The following KRT4 variants were observed in gnomAD, a reference collection of about 807,000 sequenced individuals.
KRT4 encodes the protein keratin, type II cytoskeletal 4.
KRT4 carries 47 observed loss-of-function variants against 50.6 expected under a neutral mutation model. The observed-to-expected ratio is 0.93, with a 90% CI of 0.73 to 1.18. The LOEUF (loss-of-function observed/expected upper bound fraction) is 1.18. Ranked by LOEUF, KRT4 falls within the 50% of genes most tolerant of loss-of-function variation. The pLI is 0.00. For synonymous variants in KRT4, 254 were observed against 251.2 expected (o/e 1.01, Z -0.10); for missense variants, 651 against 645.7 (o/e 1.01, Z -0.09).
At position 52,808,739 on chromosome 12, in the gene KRT4, C is replaced by T. The variant is rs1447053471; in HGVS notation, c.946G>A (p.Glu316Lys). ...GCCTTGCTCCTCTGGGCAATCTCCT[C>T]GTACTGGGCACGGACCTCGGCAATA... is the stretch of plus-strand genomic sequence containing the variant. Reference protein sequence around the residue: ...SIIAEVRAQYEEIAQRSKAEA... With the variant: ...SIIAEVRAQYKEIAQRSKAEA... Residue 316 changes from glutamate to lysine, a missense_variant, in exon 5 of 9, where the codon GAG (glutamate) becomes AAG (lysine). Coordinates refer to ENST00000551956, the MANE Select transcript of KRT4 (RefSeq NM_002272.4). The T allele has an allele frequency of 3.1e-6, 5 of 1,614,076 alleles. No homozygotes were observed. The highest frequency in any genetic ancestry group is 2.2e-5 in the South Asian group (2 of 91,086).
At position 52,808,487 on chromosome 12, in the gene KRT4, A is replaced by T. The variant is rs562729010; in HGVS notation, c.1000-68T>A. The T allele has an allele frequency of 1.6e-5, 25 of 1,602,988 alleles. No homozygotes were observed. In the East Asian group the frequency reaches 3.8e-4, roughly 24 times the overall value. On this transcript the variant is annotated intron_variant, in intron 5 of 8. Coordinates refer to ENST00000551956, the MANE Select transcript of KRT4 (RefSeq NM_002272.4). ...TTGGGTAGGGTCCATTCTCAAGTGA[A>T]CTCAGTGAGAATTGCCACAGGTGGC...
intron 6 of KRT4, among the ~76,000 whole-genome samples, 157 bp from the exon 7 acceptor site, chr12:52,808,021 A>G (rs1157661445): frequency 6.6e-6 from 1 of 152,194 alleles, no homozygotes; most frequent in Admixed American, 6.5e-5. Context: ...CATTCACTCC[A>G]GCCATAGCCC....
chr12:52,813,184 G>T (rs932159920), intron 1 of KRT4, among the ~76,000 whole-genome samples: 6 of 152,146 alleles, frequency 3.9e-5, no homozygotes, highest in African/African-American at 1.4e-4. Context: ...TTTTTCATTT[G>T]CAAAATCAGC....
chr12:52,814,025 G>T lies in KRT4; in HGVS notation c.34C>A (p.Pro12Thr). 1 of 1,613,996 alleles carries T rather than the reference G, an allele frequency of 6.2e-7. No homozygotes were observed. The highest frequency in any genetic ancestry group is 8.5e-7 in the Non-Finnish European group (1 of 1,179,942). ...IARQQCVRGG[P>T]RGFSCGSAIV... ...GCCGAGCCACAGCTGAAGCCCCGGGGCCCGCCTCGGACACACTGCTGTCTG... is the reference window on the plus strand; with the variant it reads ...GCCGAGCCACAGCTGAAGCCCCGGGTCCCGCCTCGGACACACTGCTGTCTG... The change falls in exon 1 of 9, where the codon CCC becomes ACC. Residue 12 changes from proline to threonine, a missense_variant. By Grantham distance (38) the Pro-to-Thr change is conservative (BLOSUM62 -1). Coordinates refer to ENST00000551956, the MANE Select transcript of KRT4 (RefSeq NM_002272.4).
rs534019513 is a variant in KRT4, at chr12:52,807,213, G to A, written c.1419C>T (p.Ser473=). The stretch of plus-strand genomic sequence containing the variant: ...ACCCGGAGCCACTTCCTAATCCTCC[G>A]CTGATGCCTCCAGTGCTGGTGCTAC... ...VSGSTSTGGI[S]GGLGSGSGFG... is the part of the protein sequence containing the mutation. Residue 473 remains serine, a synonymous_variant, in exon 9 of 9, where the codon AGC becomes AGT. Coordinates refer to ENST00000551956, the MANE Select transcript of KRT4 (RefSeq NM_002272.4). 1,329 of 1,614,176 alleles carry A rather than the reference G, an allele frequency of 8.2e-4. 20 individuals carry two copies. The South Asian group carries it at 0.013, about 16-fold the overall frequency.
Position 52,808,383 on chromosome 12 carries a change from C to T in KRT4, c.1036G>A (p.Asp346Asn), listed in dbSNP as rs1028353836. 1 of 1,613,980 alleles carries T rather than the reference C, an allele frequency of 6.2e-7. No homozygotes were observed. Among genetic ancestry groups the T allele is most frequent in the African/African-American group, 1.3e-5 (1 of 74,896 alleles). Residue 346 changes from aspartate to asparagine, a missense_variant, in exon 6 of 9, where the codon GAC becomes AAC. Transcript: ENST00000551956. ...TCACTCTTGGTGTTCTTCAGGTTGT[C>T]ACCATGTTGGTCAACCGAGATCTGG... is the stretch of plus-strand genomic sequence containing the variant. ...QLQISVDQHG[D>N]NLKNTKSEIA...
In KRT4 at chr12:52,808,896, C is replaced by G. The variant is rs746306686; in HGVS notation, c.835-46G>C. ...ATCAGCCCCCCCAGGAAAGCCTTCACTGACCTGATACAGGCTCAAGTAGGA... is the reference window on the plus strand; with the variant it reads ...ATCAGCCCCCCCAGGAAAGCCTTCAGTGACCTGATACAGGCTCAAGTAGGA... On this transcript the variant is annotated intron_variant, in intron 4 of 8. Transcript: ENST00000551956. The G allele has an allele frequency of 3.7e-6, 6 of 1,604,452 alleles. No individual in the cohort carries two copies. The Admixed American group carries it at 8.3e-5, about 22-fold the overall frequency.
Position 52,807,198 on chromosome 12 carries a change from A to G in KRT4, c.1434T>C (p.Ser478=), listed in dbSNP as rs1345984385. The change falls in exon 9 of 9, where the codon AGT becomes AGC. Residue 478 remains serine (S), a synonymous_variant. Transcript: ENST00000551956. ...STGGISGGLG[S]GSGFGLSSGF... is the part of the protein sequence containing the mutation. The stretch of plus-strand genomic sequence containing the variant: ...CACTACTCAGGCCAAACCCGGAGCC[A>G]CTTCCTAATCCTCCGCTGATGCCTC... 1 of 1,614,076 alleles carries G rather than the reference A, an allele frequency of 6.2e-7. No individual in the cohort carries two copies. Among genetic ancestry groups the G allele is most frequent in the East Asian group, 2.2e-5 (1 of 44,894 alleles).
In KRT4 at chr12:52,806,982, CAG is replaced by C; in HGVS notation, c.*85_*86del. 7.8e-7 allele frequency: 1 copy of C among 1,288,740 alleles called. No individual in the cohort carries two copies. Among genetic ancestry groups the C allele is most frequent in the Non-Finnish European group, 1.1e-6 (1 of 889,360 alleles). The allele number at this position is 1,288,740 out of a possible 1,614,324, so 79.8% of individuals were successfully genotyped here. On this transcript the variant is annotated 3_prime_UTR_variant, in exon 9 of 9. Transcript: ENST00000551956. ...ATACTAGTAAGATGAGCCCCAGAGA[CAG>C]AGGATGGAGGTGAAGTGAAGGAAGC...
rs2307027 is a variant in KRT4, at chr12:52,810,830, C to T, written c.678-14G>A. ...TCCTCTTCATACCTGGGGGTGGGCA[C>T]GGGGAGAAAAAGACAAAAACCCACA... is the stretch of plus-strand genomic sequence containing the variant. On this transcript the variant is annotated splice_polypyrimidine_tract_variant and intron_variant, in intron 2 of 8. Coordinates refer to ENST00000551956, the MANE Select transcript of KRT4 (RefSeq NM_002272.4). 0.85 allele frequency: 1,371,184 copies of T among 1,611,412 alleles called. 584,665 individuals are homozygous for T. Among genetic ancestry groups the T allele is most frequent in the Non-Finnish European group, 0.86 (1,014,510 of 1,177,634 alleles).
Position 52,813,937 on chromosome 12 carries a change from C to T in KRT4, c.122G>A (p.Arg41Gln), listed in dbSNP as rs36143766. 1.7e-3 allele frequency: 2,731 copies of T among 1,611,766 alleles called. 45 individuals are homozygous for T. The African/African-American group carries it at 0.032, about 19-fold the overall frequency. ...GCTGCCAAATCCCCCAGAAGAGCAT[C>T]GGCCAGCACCTCCAGACATGGAGAC... ...SSVSMSGGAG[R>Q]CSSGGFGSRS... Residue 41 changes from arginine (R) to glutamine (Q), a missense_variant, in exon 1 of 9, where the codon CGA (arginine) becomes CAA (glutamine). Physicochemically the swap from Arg to Gln is conservative, Grantham distance 43. Coordinates refer to ENST00000551956, the MANE Select transcript of KRT4 (RefSeq NM_002272.4).
In KRT4 at chr12:52,813,037, G is replaced by C. The variant is rs888249997; in HGVS notation, c.462+560C>G. 3.9e-5 allele frequency among the ~76,000 whole-genome samples: 6 copies of C among 152,198 alleles called. No homozygotes were observed. The East Asian group carries it at 5.8e-4, about 15-fold the overall frequency. On this transcript the variant is annotated intron_variant, in intron 1 of 8. Coordinates refer to ENST00000551956, the MANE Select transcript of KRT4 (RefSeq NM_002272.4). ...GACGTTGCATGAAAAAGGAAGTTGG[G>C]CTACAAAAAGAAAAGAGACCTGTCT...
intron 1 of KRT4, 48 bp from the exon 2 acceptor site, chr12:52,812,025 C>T: frequency 7.3e-6 from 11 of 1,497,644 alleles, no homozygotes; most frequent in Non-Finnish European, 9.2e-6. Context: ...TGAAGTGTGG[C>T]AGGAGGGCCA....
chr12:52,808,514 AG>A, intron 5 of KRT4, 95 bp from the exon 6 acceptor site: 1 of 1,570,238 alleles, frequency 6.4e-7, no homozygotes, highest in South Asian at 1.1e-5. Context: ...ACAGGTGGCA[AG>A]AATAGCACCA....
intron 3 of KRT4, 47 bp from the exon 4 acceptor site, chr12:52,809,525 T>G (rs1246378628): frequency 7.3e-7 from 1 of 1,365,450 alleles, no homozygotes; most frequent in Non-Finnish European, 1.0e-6. Flanking sequence ...GGAATGCCAG[T>G]AGGAGGACGG....
chr12:52,808,168 GAGCTATGAATTCCCAGCAACA>G, intron 6 of KRT4, 105 bp downstream of exon 6: 1 of 1,271,304 alleles, frequency 7.9e-7, no homozygotes, highest in Non-Finnish European at 1.1e-6. Flanking sequence ...CTTGCACAAA[GAGCTATGAATTCCCAGCAACA>G]AGCTCAGGGT....
At position 52,811,796 on chromosome 12, in the gene KRT4, G is replaced by T. The variant is rs751208742; in HGVS notation, c.644C>A (p.Thr215Asn). 4.3e-6 allele frequency: 7 copies of T among 1,613,680 alleles called. No individual in the cohort carries two copies. The highest frequency in any genetic ancestry group is 2.2e-5 in the East Asian group (1 of 44,888). ...DKGRLQSELKTMQDSVEDFKT... is the reference protein window; with the variant it reads ...DKGRLQSELKNMQDSVEDFKT... The stretch of plus-strand genomic sequence containing the variant: ...GAAGTCCTCCACGCTGTCCTGCATG[G>T]TCTTCAGCTCAGACTGCAGGCGCCC... Residue 215 changes from threonine (T) to asparagine (N), a missense_variant, in exon 2 of 9, where the codon ACC becomes AAC. Thr to Asn is a moderately conservative substitution (Grantham distance 65). Transcript: ENST00000551956.
intron 3 of KRT4, 85 bp downstream of exon 3, chr12:52,810,671 G>A (rs1245929168): frequency 1.9e-5 from 21 of 1,127,006 alleles, no homozygotes; most frequent in South Asian, 3.7e-5. Context: ...GGCAGAGATG[G>A]ACCAAACCCA....
chr12:52,812,447 C>G (rs1165704717), intron 1 of KRT4, among the ~76,000 whole-genome samples: 1 of 152,180 alleles, frequency 6.6e-6, no homozygotes, highest in Non-Finnish European at 1.5e-5. Context: ...AACCTGTGAA[C>G]AACTGAGTAT....
Sources: allele counts gnomAD v4.1 joint callset (sites outside exome capture counted in the v4.1 genomes callset), GRCh38; gene constraint gnomAD v4.1.1; transcripts MANE v1.5; gene names NCBI Gene and HGNC (gene_info 2026-07-23, HGNC 2026-07-21).